Variants in MUC12 observed in about 807,000 individuals in gnomAD.
MUC12 encodes mucin 12, cell surface associated, also known as mucin-12.
MUC12 carries 172 observed loss-of-function variants against 230.8 expected under a neutral mutation model. That is an observed-to-expected ratio of 0.75 (90% CI 0.66 to 0.85). MUC12 has a LOEUF of 0.85. Ranked by LOEUF, MUC12 falls within the 40% of genes least tolerant of loss-of-function variation. The pLI is 0.00. For synonymous variants in MUC12, 1,259 were observed against 2,401.9 expected, an observed-to-expected ratio of 0.52 and a Z score of 13.91; for missense variants, 3,506 against 5,920.6, an observed-to-expected ratio of 0.59 and a Z score of 13.38.
At position 100,991,385 on chromosome 7, in the gene MUC12, A is replaced by T; in HGVS notation, c.822A>T (p.Glu274Asp). 6.5e-7 allele frequency: 1 copy of T among 1,537,778 alleles called. No individual in the cohort carries two copies. Reference sequence around the variant, plus strand: ...CCAGCTCTACAACCCATGAGGGAGAACCTACCACCTTCCAGAGCTGGCCAA... The same window carrying T: ...CCAGCTCTACAACCCATGAGGGAGATCCTACCACCTTCCAGAGCTGGCCAA... ...SPSSSTTHEG[E>D]PTTFQSWPSS... Residue 274 changes from glutamate to aspartate, a missense_variant, in exon 2 of 12, where the codon GAA becomes GAT. By Grantham distance (45) the Glu-to-Asp change is conservative. Coordinates refer to ENST00000536621, the MANE Select transcript of MUC12 (RefSeq NM_001164462.2).
chr7:101,007,595 T>A (rs1340439817), intron 3 of MUC12, among the ~76,000 whole-genome samples: 5 of 152,250 alleles, frequency 3.3e-5, no homozygotes, highest in African/African-American at 1.2e-4. Flanking sequence ...TTCTTTTTGA[T>A]GGCTGAATAG....
At chr7:100,972,312 C>T (rs2116253305) in intron 1 of MUC12, among the ~76,000 whole-genome samples, 1 of 152,420 alleles carries the variant, frequency 6.6e-6, no homozygotes, top group Non-Finnish European at 1.5e-5. Flanking sequence ...TGCGCCCCTC[C>T]TCCCCTCTAG....
At chr7:100,984,690 C>A (rs976457792) in intron 1 of MUC12, among the ~76,000 whole-genome samples, 2 of 152,156 alleles carry the variant, frequency 1.3e-5, no homozygotes, top group East Asian at 3.8e-4. Context: ...GCTTGCGCAT[C>A]GCCTCCATCT....
At chr7:101,010,650 G>T (rs946956939) in intron 5 of MUC12, among the ~76,000 whole-genome samples, 2 of 152,170 alleles carry the variant, frequency 1.3e-5, no homozygotes, top group South Asian at 4.2e-4. Flanking sequence ...GAGTAGCTGG[G>T]ACTACAGGCA....
intron 3 of MUC12, among the ~76,000 whole-genome samples, chr7:101,008,089 C>T (rs961914128): frequency 6.6e-6 from 1 of 151,728 alleles, no homozygotes; most frequent in Non-Finnish European, 1.5e-5. Context: ...CAGGTGTGAG[C>T]CACCGCGCCC....
intron 9 of MUC12, among the ~76,000 whole-genome samples, chr7:101,014,723 C>T (rs1180073642): frequency 6.6e-6 from 1 of 152,028 alleles, no homozygotes; most frequent in African/African-American, 2.4e-5. Context: ...AGTGATCCAC[C>T]CACCCTGGCT....
chr7:101,007,046 C>T (rs887673544), intron 3 of MUC12, among the ~76,000 whole-genome samples: 4 of 152,156 alleles, frequency 2.6e-5, no homozygotes, highest in African/African-American at 7.2e-5. Context: ...GCAACCTCCA[C>T]CTCCTGGGTT....
Position 100,991,012 on chromosome 7 carries a change from C to T in MUC12, c.449C>T (p.Thr150Ile). The T allele has an allele frequency of 2.0e-6, 3 of 1,537,888 alleles. No homozygotes were observed. Among genetic ancestry groups the T allele is most frequent in the Non-Finnish European group, 2.6e-6 (3 of 1,147,054 alleles). Residue 150 changes from threonine to isoleucine, a missense_variant, in exon 2 of 12, where the codon ACA (threonine) becomes ATA (isoleucine). Transcript: ENST00000536621. ...AGTAGCCCCAGATCACCAGACAGAACACTCTCACCTGCCCGCACGACAAGC... is the reference window on the plus strand; with the variant it reads ...AGTAGCCCCAGATCACCAGACAGAATACTCTCACCTGCCCGCACGACAAGC... ...FYSSPRSPDR[T>I]LSPARTTSSG...
chr7:101,012,014 A>C (rs1347057976), intron 5 of MUC12, among the ~76,000 whole-genome samples: 2 of 152,208 alleles, frequency 1.3e-5, no homozygotes, highest in South Asian at 4.1e-4. Context: ...AACAGGACAC[A>C]GGGATTCAAA....
In MUC12 at chr7:101,004,325, C is replaced by G; in HGVS notation, c.13762C>G (p.Pro4588Ala). 3 of 1,201,656 alleles carry G rather than the reference C, an allele frequency of 2.5e-6. No individual in the cohort carries two copies. Among genetic ancestry groups the G allele is most frequent in the East Asian group, 2.8e-5 (1 of 36,316 alleles). 74.4% of individuals were successfully genotyped at this position (1,201,656 alleles called of 1,614,324 possible). A position where few individuals can be genotyped will look rare whatever the true frequency, so the allele number is the denominator to read the frequency against. The change falls in exon 2 of 12, where the codon CCC becomes GCC. Residue 4588 changes from proline (P) to alanine (A), a missense_variant. Transcript: ENST00000536621. ...CAGCCCAGTTGCAACTGCAACAACA[C>G]CCTCGCCTGCCCGCTCCACAACCTC... ...HSSPVATATT[P>A]SPARSTTSGL...
chr7:101,016,659 A>C (rs953553378), intron 10 of MUC12, among the ~76,000 whole-genome samples: 2 of 141,554 alleles, frequency 1.4e-5, no homozygotes, highest in Admixed American at 1.4e-4. Context: ...AGGGAGCACT[A>C]AAGCAGGGAG....
Position 100,995,545 on chromosome 7 carries a change from C to T in MUC12, c.4982C>T (p.Thr1661Met), listed in dbSNP as rs1338513846. The T allele has an allele frequency of 2.6e-5, 40 of 1,536,448 alleles. No homozygotes were observed. The highest frequency in any genetic ancestry group is 6.0e-5 in the South Asian group (5 of 84,008). Reference protein sequence around the residue: ...TTASGLLEASTPVHSSTGSPH... With the variant: ...TTASGLLEASMPVHSSTGSPH... Reference sequence around the variant, plus strand: ...GCCTCAGGCCTCCTTGAAGCATCTACGCCCGTCCACAGCAGCACTGGATCG... The same window carrying T: ...GCCTCAGGCCTCCTTGAAGCATCTATGCCCGTCCACAGCAGCACTGGATCG... The change falls in exon 2 of 12, where the codon ACG becomes ATG. Residue 1661 changes from threonine (T) to methionine (M), a missense_variant. Coordinates refer to ENST00000536621, the MANE Select transcript of MUC12 (RefSeq NM_001164462.2).
In MUC12 at chr7:100,995,595, G is replaced by T; in HGVS notation, c.5032G>T (p.Gly1678Cys). The change falls in exon 2 of 12, where the codon GGC becomes TGC. Residue 1678 changes from glycine (G) to cysteine (C), a missense_variant. Coordinates refer to ENST00000536621, the MANE Select transcript of MUC12 (RefSeq NM_001164462.2). ...GSPHTTLSPA[G>C]STTRQGESTT... The stretch of plus-strand genomic sequence containing the variant: ...GCCACACACAACACTGTCCCCTGCC[G>T]GCTCTACAACACGTCAGGGAGAATC... 6.5e-7 allele frequency: 1 copy of T among 1,536,478 alleles called. No homozygotes were observed. Among genetic ancestry groups the T allele is most frequent in the South Asian group, 1.2e-5 (1 of 84,030 alleles).
chr7:101,011,363 TC>T (rs938235232), intron 5 of MUC12, among the ~76,000 whole-genome samples: 1 of 152,010 alleles, frequency 6.6e-6, no homozygotes, highest in African/African-American at 2.4e-5. Flanking sequence ...TCAAGATCTC[TC>T]CCCCCAGCTG....
intron 10 of MUC12, among the ~76,000 whole-genome samples, chr7:101,016,200 C>T (rs908155781): frequency 6.6e-6 from 1 of 152,020 alleles, no homozygotes; most frequent in Non-Finnish European, 1.5e-5. Context: ...TGGGAAGGAG[C>T]TTGCTTTTGG....
At chr7:101,016,562 G>A (rs1278432891) in intron 10 of MUC12, among the ~76,000 whole-genome samples, 2 of 152,146 alleles carry the variant, frequency 1.3e-5, no homozygotes, top group Non-Finnish European at 1.5e-5. Flanking sequence ...TGATCCGCCC[G>A]CCTTGGCCTC....
In MUC12 at chr7:100,995,623, C is replaced by T. The variant is rs1354630688; in HGVS notation, c.5060C>T (p.Thr1687Ile). The change falls in exon 2 of 12, where the codon ACC (threonine) becomes ATC (isoleucine). Residue 1687 changes from threonine to isoleucine, a missense_variant. Coordinates refer to ENST00000536621, the MANE Select transcript of MUC12 (RefSeq NM_001164462.2). ...TCTACAACACGTCAGGGAGAATCTA[C>T]CACCTTCCAGAGCTGGCCAAGCTCA... ...AGSTTRQGESTTFQSWPSSKD... is the reference protein window; with the variant it reads ...AGSTTRQGESITFQSWPSSKD... 2.0e-6 allele frequency: 3 copies of T among 1,536,922 alleles called. No homozygotes were observed. The highest frequency in any genetic ancestry group is 1.4e-5 in the African/African-American group (1 of 72,262).
rs570646136 is a variant in MUC12 at position 100,989,071 on chromosome 7, G to A, written c.68-1560G>A. Reference sequence around the variant, plus strand: ...CCATTTTTTCTGTATAAATTACCCAGTCTCTGGTATGTCTTCTTCCTCTTC... The same window carrying A: ...CCATTTTTTCTGTATAAATTACCCAATCTCTGGTATGTCTTCTTCCTCTTC... On this transcript the variant is annotated intron_variant, in intron 1 of 11. Transcript: ENST00000536621. Among the ~76,000 whole-genome samples the A allele has an allele frequency of 2.7e-5, 4 of 149,948 alleles. No homozygotes were observed. In the East Asian group the frequency reaches 7.8e-4, roughly 29 times the overall value.
chr7:100,991,543 G>T lies in MUC12; in HGVS notation c.980G>T (p.Ser327Ile). 6.5e-7 allele frequency: 1 copy of T among 1,537,200 alleles called. No individual in the cohort carries two copies. Among genetic ancestry groups the T allele is most frequent in the Non-Finnish European group, 8.7e-7 (1 of 1,146,586 alleles). Residue 327 changes from serine to isoleucine, a missense_variant, in exon 2 of 12, where the codon AGT becomes ATT. By Grantham distance (142) the Ser-to-Ile change is moderately radical (BLOSUM62 -2). Transcript: ENST00000536621. ...GCCAGCTCCACAACCTTGGGCCATA[G>T]TGAGGAATCGACACCAGTCCACAGC... is the stretch of plus-strand genomic sequence containing the variant. The part of the protein sequence containing the change: ...FSASSTTLGH[S>I]EESTPVHSSP...
Sources: gnomAD v4.1 joint callset for allele counts (sites outside exome capture counted in the v4.1 genomes callset) on GRCh38, gnomAD v4.1.1 for gene constraint, MANE v1.5 for transcripts, NCBI Gene and HGNC (gene_info 2026-07-23, HGNC 2026-07-21) for gene names.